The following MYO15A variants were observed in gnomAD, a reference collection of about 807,000 sequenced individuals.
The protein encoded by MYO15A is myosin XVA.
In MYO15A, 308 loss-of-function variants were observed where a neutral mutation model predicts 394.6. The ratio of observed to expected loss-of-function variants is 0.78; its 90% CI spans 0.71 to 0.86. The LOEUF is 0.86. MYO15A is among the 40% of genes least tolerant of loss of function. The probability of loss-of-function intolerance (pLI) is 0.00; values close to 1 mark genes in which losing one functional copy is unlikely to be tolerated. For synonymous variants in MYO15A, 1,957 were observed against 2,003.8 expected (o/e 0.98, Z 0.62); for missense variants, 4,606 against 4,799.1 (o/e 0.96, Z 1.19).
In MYO15A at chr17:18,118,701, C is replaced by T. The variant is rs1039363159; in HGVS notation, c.-100C>T. On this transcript the variant is annotated 5_prime_UTR_variant, in exon 2 of 66. Coordinates refer to ENST00000647165, the MANE Select transcript of MYO15A (RefSeq NM_016239.4). Reference sequence around the variant, plus strand: ...GTCTGCTCACAGCCCGAGGAGGCCGCGTGTCCAGCCGCGGGCAAGAGACAG... The same window carrying T: ...GTCTGCTCACAGCCCGAGGAGGCCGTGTGTCCAGCCGCGGGCAAGAGACAG... 3.8e-6 allele frequency: 6 copies of T among 1,574,046 alleles called. No homozygotes were observed. The highest frequency in any genetic ancestry group is 1.4e-5 in the African/African-American group (1 of 73,788).
At chr17:18,168,121 G>A (rs2046882355) in intron 62 of MYO15A, among the ~76,000 whole-genome samples, 3 of 152,184 alleles carry the variant, frequency 2.0e-5, no homozygotes, top group South Asian at 2.1e-4. Context: ...ACAGGGAGTC[G>A]TCAAGTAAAT....
At position 18,147,103 on chromosome 17, in the gene MYO15A, C is replaced by T. The variant is rs904872641; in HGVS notation, c.6510-926C>T. 2.6e-5 allele frequency among the ~76,000 whole-genome samples: 4 copies of T among 152,180 alleles called. No individual in the cohort carries two copies. Among genetic ancestry groups the T allele is most frequent in the African/African-American group, 9.7e-5 (4 of 41,420 alleles). On this transcript the variant is annotated intron_variant, in intron 30 of 65. Transcript: ENST00000647165. The surrounding 1 kb of genome is among the most constrained non-coding windows in gnomAD (Gnocchi z 4.4). ...TGAGAAGGATGATTTGCAAGGAAAT[C>T]GCTCAGGCAGGCCCTGGGTGTGAAT...
intron 62 of MYO15A, among the ~76,000 whole-genome samples, chr17:18,170,385 G>A (rs1481624951): frequency 6.6e-6 from 1 of 150,710 alleles, no homozygotes; most frequent in Non-Finnish European, 1.5e-5. Flanking sequence ...TTGAGACAGA[G>A]TCTCTCTCTG....
chr17:18,170,619 CA>C (rs1462600800), intron 62 of MYO15A, among the ~76,000 whole-genome samples: 1 of 152,004 alleles, frequency 6.6e-6, no homozygotes, highest in Non-Finnish European at 1.5e-5. Context: ...CTTAGCCTCC[CA>C]AAGTGTTGAG....
rs755643067 is a variant in MYO15A at position 18,172,168 on chromosome 17, G to A, written c.10228G>A (p.Ala3410Thr). The change falls in exon 64 of 66, where the codon GCC becomes ACC. Residue 3410 changes from alanine (A) to threonine (T), a missense_variant. Physicochemically the swap from Ala to Thr is moderately conservative, Grantham distance 58 (BLOSUM62 0). Around this residue, in one of 2 missense-constraint regions of MYO15A, gnomAD observed 2,776 missense variants for 3,109.3 expected, o/e 0.89. Transcript: ENST00000647165. ...ARAQFLGLLS[A>T]LPMFGSSFFF... The stretch of plus-strand genomic sequence containing the variant: ...CTCTCCCTGCCCAGGCCTCCTCAGC[G>A]CCTTACCTATGTTCGGCTCCTCCTT... The A allele has an allele frequency of 1.7e-5, 27 of 1,614,026 alleles. No homozygotes were observed. The highest frequency in any genetic ancestry group is 3.3e-4 in the Middle Eastern group (2 of 6,082).
At chr17:18,115,292 C>T (rs1199183125) in intron 1 of MYO15A, among the ~76,000 whole-genome samples, 1 of 152,134 alleles carries the variant, frequency 6.6e-6, no homozygotes. Context: ...CTCCTGCAGC[C>T]GCTTCTCCCA....
chr17:18,172,517 A>G, intron 64 of MYO15A: 1 of 659,428 alleles, frequency 1.5e-6, no homozygotes, highest in South Asian at 1.7e-5. Flanking sequence ...GAGATGAGGT[A>G]AAACATACTC....
chr17:18,131,249 C>A lies in MYO15A; in HGVS notation c.4049C>A (p.Ala1350Glu), dbSNP rs1036106219. 3 of 1,613,920 alleles carry A rather than the reference C, an allele frequency of 1.9e-6. No homozygotes were observed. The highest frequency in any genetic ancestry group is 1.7e-6 in the Non-Finnish European group (2 of 1,179,948). Reference sequence around the variant, plus strand: ...CCTTCTGGAGTCCAGATCCTGGAGGCAACACCCCTCTTGGAGTCCTTCGGT... The same window carrying A: ...CCTTCTGGAGTCCAGATCCTGGAGGAAACACCCCTCTTGGAGTCCTTCGGT... ...EVMQQIKILEATPLLESFGNA... is the reference protein window; with the variant it reads ...EVMQQIKILEETPLLESFGNA... Residue 1350 changes from alanine to glutamate, a missense_variant, in exon 9 of 66, where the codon GCA (alanine) becomes GAA (glutamate). Around this residue, in one of 2 missense-constraint regions of MYO15A, gnomAD observed 2,776 missense variants for 3,109.3 expected, o/e 0.89. Transcript: ENST00000647165.
Position 18,122,133 on chromosome 17 carries a change from T to A in MYO15A, c.3333T>A (p.Pro1111=). The A allele has an allele frequency of 6.2e-7, 1 of 1,612,974 alleles. No homozygotes were observed. The highest frequency in any genetic ancestry group is 8.5e-7 in the Non-Finnish European group (1 of 1,180,000). ...PKGGERRQAA[P]GRFAVVMPRV... ...GGGGTGAACGGCGCCAGGCAGCCCCTGGGCGTTTTGCTGTGGTCATGCCTC... is the reference window on the plus strand; with the variant it reads ...GGGGTGAACGGCGCCAGGCAGCCCCAGGGCGTTTTGCTGTGGTCATGCCTC... Residue 1111 remains proline, a synonymous_variant, in exon 2 of 66, where the codon CCT becomes CCA. Transcript: ENST00000647165.
At chr17:18,177,735 G>C (rs1423142079) in intron 65 of MYO15A, 1 of 152,234 alleles carries the variant, frequency 6.6e-6, no homozygotes, top group Admixed American at 6.5e-5. Context: ...AATAGCTCCT[G>C]TCTCTTAGAG....
Position 18,148,242 on chromosome 17 carries a change from A to G in MYO15A, c.6691+32A>G, listed in dbSNP as rs2046514807. 6.2e-7 allele frequency: 1 copy of G among 1,612,296 alleles called. No individual in the cohort carries two copies. The highest frequency in any genetic ancestry group is 8.5e-7 in the Non-Finnish European group (1 of 1,179,676). On this transcript the variant is annotated intron_variant, in intron 31 of 65. Transcript: ENST00000647165. This position sits in a 1 kb window ranked among gnomAD's most constrained non-coding sequence, Gnocchi z 4.8. ...TGCCTTCCCCCACCTCAGTGAGGGC[A>G]GTGGGAGTCAGCAGGGCCCAGTGAG...
At chr17:18,156,154 T>A in intron 47 of MYO15A, 41 bp from the exon 48 acceptor site, 1 of 1,613,472 alleles carries the variant, frequency 6.2e-7, no homozygotes, top group Non-Finnish European at 8.5e-7. Context: ...AAGGAGGGCA[T>A]CCCTCTGGCA....
chr17:18,148,258 G>A lies in MYO15A; in HGVS notation c.6691+48G>A. On this transcript the variant is annotated intron_variant, in intron 31 of 65. Transcript: ENST00000647165. The surrounding 1 kb of genome is among the most constrained non-coding windows in gnomAD (Gnocchi z 4.8). ...AGTGAGGGCAGTGGGAGTCAGCAGG[G>A]CCCAGTGAGCCCCGGGGATGGCAGA... 1 of 1,608,300 alleles carries A rather than the reference G, an allele frequency of 6.2e-7. No individual in the cohort carries two copies. The highest frequency in any genetic ancestry group is 8.5e-7 in the Non-Finnish European group (1 of 1,178,178).
intron 29 of MYO15A, among the ~76,000 whole-genome samples, chr17:18,145,295 G>A (rs766636086): frequency 1.3e-5 from 2 of 152,076 alleles, no homozygotes; most frequent in South Asian, 2.1e-4. Context: ...GGCCAGGGGT[G>A]CAGGGAGGGG....
chr17:18,148,171 G>A lies in MYO15A; in HGVS notation c.6652G>A (p.Glu2218Lys), dbSNP rs1567649977. ...PTQLEWTATY[E>K]KASMALDVGC... ...CCAGCTCGAGTGGACAGCGACCTAT[G>A]AGAAGGCCAGCATGGCGCTGGACGT... is the stretch of plus-strand genomic sequence containing the variant. The change falls in exon 31 of 66, where the codon GAG becomes AAG. Residue 2218 changes from glutamate (E) to lysine (K), a missense_variant. By Grantham distance (56) the Glu-to-Lys change is moderately conservative. Around this residue, in one of 2 missense-constraint regions of MYO15A, gnomAD observed 2,776 missense variants for 3,109.3 expected, o/e 0.89. Coordinates refer to ENST00000647165, the MANE Select transcript of MYO15A (RefSeq NM_016239.4). This position sits in a 1 kb window ranked among gnomAD's most constrained non-coding sequence, Gnocchi z 4.8. 6.2e-7 allele frequency: 1 copy of A among 1,613,830 alleles called. No individual in the cohort carries two copies. Among genetic ancestry groups the A allele is most frequent in the Non-Finnish European group, 8.5e-7 (1 of 1,180,026 alleles).
At position 18,121,796 on chromosome 17, in the gene MYO15A, G is replaced by C. The variant is rs917981250; in HGVS notation, c.2996G>C (p.Gly999Ala). Residue 999 changes from glycine to alanine, a missense_variant, in exon 2 of 66, where the codon GGA (glycine) becomes GCA (alanine). Transcript: ENST00000647165. This position sits in a 1 kb window ranked among gnomAD's most constrained non-coding sequence, Gnocchi z 5.3. ...GGCAGACACCATGAGCCGGGGCCTG[G>C]ACAGCTCACCAAATCAGCTGGCCCA... ...FLGRHHEPGP[G>A]QLTKSAGPTP... The C allele has an allele frequency of 3.1e-6, 5 of 1,612,596 alleles. No individual in the cohort carries two copies. The highest frequency in any genetic ancestry group is 1.3e-5 in the African/African-American group (1 of 74,892).
At position 18,158,583 on chromosome 17, in the gene MYO15A, T is replaced by C; in HGVS notation, c.9028T>C (p.Tyr3010His). ...HGEDALALPPYTMLEFAQKYF... is the reference protein window; with the variant it reads ...HGEDALALPPHTMLEFAQKYF... ...GGAGGACGCCCTGGCGCTCCCACCC[T>C]ACACAATGCTCGAGTTTGCCCAGAA... The change falls in exon 52 of 66, where the codon TAC (tyrosine) becomes CAC (histidine). Residue 3010 changes from tyrosine to histidine, a missense_variant. Tyr to His is a moderately conservative substitution (Grantham distance 83). Around this residue, in one of 2 missense-constraint regions of MYO15A, gnomAD observed 2,776 missense variants for 3,109.3 expected, o/e 0.89. Coordinates refer to ENST00000647165, the MANE Select transcript of MYO15A (RefSeq NM_016239.4). 1 of 1,614,156 alleles carries C rather than the reference T, an allele frequency of 6.2e-7. No homozygotes were observed. The highest frequency in any genetic ancestry group is 8.5e-7 in the Non-Finnish European group (1 of 1,180,004).
Position 18,159,693 on chromosome 17 carries a change from A to C in MYO15A, c.9303+14A>C. 1 of 1,613,972 alleles carries C rather than the reference A, an allele frequency of 6.2e-7. No individual in the cohort carries two copies. Among genetic ancestry groups the C allele is most frequent in the Non-Finnish European group, 8.5e-7 (1 of 1,179,870 alleles). ...AACCTCCTGAAGGTCAGTCCAGCCA[A>C]CTTTGCCAGATGCCCCCTTTCCTGC... On this transcript the variant is annotated intron_variant, in intron 55 of 65. Coordinates refer to ENST00000647165, the MANE Select transcript of MYO15A (RefSeq NM_016239.4).
At chr17:18,159,774 CCT>C in intron 55 of MYO15A, 95 bp downstream of exon 55, 1 of 1,503,092 alleles carries the variant, frequency 6.7e-7, no homozygotes, top group Non-Finnish European at 9.2e-7. Context: ...GGGTGGGAAA[CCT>C]CTCCCATGGT....
Sources: allele counts gnomAD v4.1 joint callset (sites outside exome capture counted in the v4.1 genomes callset), GRCh38; gene constraint gnomAD v4.1.1; regional missense constraint gnomAD v4.1.1; non-coding constraint Gnocchi (gnomAD v3.1); transcripts MANE v1.5; gene names NCBI Gene and HGNC (gene_info 2026-07-23, HGNC 2026-07-21).